RGS6: variants seen among roughly 807,000 people sequenced by gnomAD.
The protein encoded by RGS6 is regulator of G-protein signaling 6.
In RGS6, 30 loss-of-function variants were observed where a neutral mutation model predicts 78.5. That is an observed-to-expected ratio of 0.38 (90% CI 0.29 to 0.52). The LOEUF (loss-of-function observed/expected upper bound fraction) is 0.52. Ranked by LOEUF, RGS6 falls within the 20% of genes least tolerant of loss-of-function variation. The probability of loss-of-function intolerance (pLI) is 0.85; values close to 1 mark genes in which losing one functional copy is unlikely to be tolerated. For synonymous variants in RGS6, 206 were observed against 206.0 expected, an observed-to-expected ratio of 1.00 and a Z score of 0.00; for missense variants, 495 against 609.7, an observed-to-expected ratio of 0.81 and a Z score of 1.98.
chr14:71,981,059 C>G (rs8011894), intron 2 of RGS6, among the ~76,000 whole-genome samples: 62,749 of 145,364 alleles, frequency 0.43, 13,890 homozygotes, highest in East Asian at 0.53. Context: ...CGCATCGGCT[C>G]CTGAGGCTTC....
intron 2 of RGS6, among the ~76,000 whole-genome samples, chr14:72,011,620 A>G (rs1457455153): frequency 2.0e-5 from 3 of 152,230 alleles, no homozygotes; most frequent in Non-Finnish European, 4.4e-5. Context: ...CCAATAGAGT[A>G]TAACAACTAT....
intron 2 of RGS6, among the ~76,000 whole-genome samples, chr14:72,341,097 G>A (rs1334646997): frequency 2.0e-5 from 3 of 152,170 alleles, no homozygotes; most frequent in East Asian, 1.9e-4. Flanking sequence ...AGACATAGCT[G>A]GGAATGTGTT....
At position 72,562,656 on chromosome 14, in the gene RGS6, C is replaced by A; in HGVS notation, c.*189C>A. Reference sequence around the variant, plus strand: ...GGGGAGACCAGAAAGAAAGAGTCCACAGAGCCTGGGCTGGGCCCGGTGGAG... The same window carrying A: ...GGGGAGACCAGAAAGAAAGAGTCCAAAGAGCCTGGGCTGGGCCCGGTGGAG... On this transcript the variant is annotated 3_prime_UTR_variant, in exon 18 of 18. Transcript: ENST00000553525. The A allele has an allele frequency of 6.5e-7, 1 of 1,536,014 alleles. No homozygotes were observed. The highest frequency in any genetic ancestry group is 8.7e-7 in the Non-Finnish European group (1 of 1,146,866).
At chr14:72,265,752 G>A in intron 2 of RGS6, among the ~76,000 whole-genome samples, 1 of 151,998 alleles carries the variant, frequency 6.6e-6, no homozygotes, top group South Asian at 2.1e-4. Flanking sequence ...ACACATACAT[G>A]TACATCCCTA....
chr14:71,968,110 A>G (rs2093622432), intron 2 of RGS6, among the ~76,000 whole-genome samples: 1 of 152,200 alleles, frequency 6.6e-6, no homozygotes, highest in African/African-American at 2.4e-5. Context: ...TCATGAAGAC[A>G]CCCAGACCTG....
At chr14:72,246,766 T>G (rs2054315299) in intron 2 of RGS6, among the ~76,000 whole-genome samples, 1 of 152,026 alleles carries the variant, frequency 6.6e-6, no homozygotes, top group Non-Finnish European at 1.5e-5. Flanking sequence ...AAAACTTAGC[T>G]GGGCATGGTG....
chr14:72,230,828 G>A (rs767886992), intron 2 of RGS6, among the ~76,000 whole-genome samples: 2 of 152,114 alleles, frequency 1.3e-5, no homozygotes, highest in Non-Finnish European at 2.9e-5. Flanking sequence ...GCTGATTGTA[G>A]CTGCTAACCA....
the RGS6 span, among the ~76,000 whole-genome samples, chr14:71,926,949 A>G: frequency 6.6e-6 from 1 of 152,222 alleles, no homozygotes; most frequent in Non-Finnish European, 1.5e-5. Context: ...CAACTGTGGA[A>G]ATCCCAGCAT....
intron 2 of RGS6, among the ~76,000 whole-genome samples, chr14:72,203,168 C>A (rs899751820): frequency 6.6e-5 from 10 of 152,116 alleles, no homozygotes; most frequent in Admixed American, 5.2e-4. Context: ...AGCCACTGCA[C>A]CCTGCCCTGA....
chr14:72,286,779 ACCCCT>A (rs1368592263), intron 2 of RGS6, among the ~76,000 whole-genome samples: 3 of 151,376 alleles, frequency 2.0e-5, no homozygotes, highest in Admixed American at 1.3e-4. Flanking sequence ...TGGAAATAGG[ACCCCT>A]CCCCTCCCCT....
chr14:72,059,489 A>G (rs984172669), intron 2 of RGS6, among the ~76,000 whole-genome samples: 2 of 152,182 alleles, frequency 1.3e-5, no homozygotes, highest in East Asian at 3.8e-4. Flanking sequence ...TGGCACTTCA[A>G]ACAGGTACCA....
At chr14:72,148,417 A>G (rs951852130) in intron 2 of RGS6, among the ~76,000 whole-genome samples, 5 of 152,158 alleles carry the variant, frequency 3.3e-5, no homozygotes, top group Non-Finnish European at 4.4e-5. Flanking sequence ...TGAGGGTTTT[A>G]TTCAAAGAAC....
chr14:72,433,550 C>T (rs1282653828), intron 3 of RGS6, among the ~76,000 whole-genome samples: 1 of 151,944 alleles, frequency 6.6e-6, no homozygotes, highest in African/African-American at 2.4e-5. Flanking sequence ...AAAAGCCTAA[C>T]TAAAAAAGTC....
At chr14:72,322,399 G>A (rs2072342705) in intron 2 of RGS6, among the ~76,000 whole-genome samples, 1 of 151,880 alleles carries the variant, frequency 6.6e-6, no homozygotes, top group African/African-American at 2.4e-5. Context: ...TAGTATAGAA[G>A]AAATACAGAA....
chr14:72,100,010 C>T (rs533442993), intron 2 of RGS6, among the ~76,000 whole-genome samples: 4 of 152,102 alleles, frequency 2.6e-5, no homozygotes, highest in Admixed American at 6.5e-5. Flanking sequence ...AAGCAGAGAG[C>T]GGGTCACCAG....
chr14:71,910,993 G>T, the RGS6 span, among the ~76,000 whole-genome samples: 1 of 152,128 alleles, frequency 6.6e-6, no homozygotes, highest in African/African-American at 2.4e-5. Context: ...TTTCCATAAG[G>T]TATATTATTG....
At chr14:72,256,891 G>A (rs988931121) in intron 2 of RGS6, among the ~76,000 whole-genome samples, 1 of 152,192 alleles carries the variant, frequency 6.6e-6, no homozygotes, top group African/African-American at 2.4e-5. Flanking sequence ...ACTACAGACA[G>A]CTGTCAACTT....
chr14:72,102,528 A>G (rs1490757225), intron 2 of RGS6, among the ~76,000 whole-genome samples: 2 of 152,152 alleles, frequency 1.3e-5, no homozygotes, highest in Admixed American at 1.3e-4. Flanking sequence ...ACTTTACAAG[A>G]TACGTATTAT....
intron 2 of RGS6, among the ~76,000 whole-genome samples, chr14:72,319,631 G>T (rs847349): frequency 6.6e-6 from 1 of 151,778 alleles, no homozygotes; most frequent in Non-Finnish European, 1.5e-5. Flanking sequence ...GTGAGCCACC[G>T]CACCCGGCCT....
Sources: gnomAD v4.1 joint callset for allele counts (sites outside exome capture counted in the v4.1 genomes callset) on GRCh38, gnomAD v4.1.1 for gene constraint, MANE v1.5 for transcripts, NCBI Gene and HGNC (gene_info 2026-07-23, HGNC 2026-07-21) for gene names.